Variants in ADAM32 observed in about 807,000 individuals in gnomAD.
ADAM32 encodes the protein ADAM metallopeptidase domain 32.
A neutral mutation model predicts 114.9 loss-of-function variants in ADAM32; 89 were observed. The observed-to-expected ratio is 0.77, with a 90% confidence interval of 0.65 to 0.92. The LOEUF is 0.92. Ranked by LOEUF, ADAM32 falls within the 40% of genes least tolerant of loss-of-function variation. The probability of loss-of-function intolerance (pLI) is 0.00; values close to 1 mark genes in which losing one functional copy is unlikely to be tolerated. For missense variants in ADAM32, 870 were observed against 932.8 expected (o/e 0.93, Z 0.88); for synonymous variants, 285 against 307.5 (o/e 0.93, Z 0.77).
intron 16 of ADAM32, among the ~76,000 whole-genome samples, chr8:39,242,380 G>A (rs995260888): frequency 6.6e-5 from 10 of 152,118 alleles, no homozygotes; most frequent in Admixed American, 1.3e-4. Flanking sequence ...CCAATTTACT[G>A]TATTAGTTTT....
At position 39,145,784 on chromosome 8, in the gene ADAM32, A is replaced by G. The variant is rs1317999821; in HGVS notation, c.201-1346A>G. Among the ~76,000 whole-genome samples the G allele has an allele frequency of 2.0e-5, 3 of 152,050 alleles. No individual in the cohort carries two copies. In the East Asian group the frequency reaches 5.8e-4, roughly 29 times the overall value. ...TCTCTCTCTGTCACCCAGGTTGGAA[A>G]GCAGTGGTGGCATCTCAGCTCACTG... On this transcript the variant is annotated intron_variant, in intron 3 of 24. Coordinates refer to ENST00000379907, the MANE Select transcript of ADAM32 (RefSeq NM_145004.7).
chr8:39,129,125 C>CTT (rs71218309), intron 2 of ADAM32, among the ~76,000 whole-genome samples: 8 of 133,504 alleles, frequency 6.0e-5, no homozygotes, highest in Admixed American at 1.5e-4. Flanking sequence ...TTTTTTTTGT[C>CTT]TTTTTTTTTT....
intron 16 of ADAM32, among the ~76,000 whole-genome samples, chr8:39,240,753 A>G (rs377133435): frequency 6.6e-6 from 1 of 152,164 alleles, no homozygotes; most frequent in East Asian, 1.9e-4. Flanking sequence ...AGCACAGGAA[A>G]GATCTGCCCT....
At chr8:39,110,467 A>G (rs1270972595) in intron 1 of ADAM32, among the ~76,000 whole-genome samples, 1 of 152,188 alleles carries the variant, frequency 6.6e-6, no homozygotes, top group East Asian at 1.9e-4. Flanking sequence ...GGTTGCTTCT[A>G]AGCTTTGGCA....
chr8:39,225,751 A>G (rs942925431), intron 14 of ADAM32, among the ~76,000 whole-genome samples: 1 of 151,318 alleles, frequency 6.6e-6, no homozygotes, highest in Non-Finnish European at 1.5e-5. Flanking sequence ...ATCCAACTCT[A>G]CCCTTCTAAC....
chr8:39,281,122 T>A lies in ADAM32; in HGVS notation c.2280-14T>A, dbSNP rs1442423261. 1.4e-5 allele frequency: 18 copies of A among 1,291,892 alleles called. No homozygotes were observed. Among genetic ancestry groups the A allele is most frequent in the Admixed American group, 3.0e-5 (1 of 33,254 alleles). 80.0% of individuals were successfully genotyped at this position (1,291,892 alleles called of 1,614,324 possible). The stretch of plus-strand genomic sequence containing the variant: ...ATAGATATTTAATATATATTGTTTT[T>A]AATTTATTTTTAGATCCAAATCAGA... On this transcript the variant is annotated splice_polypyrimidine_tract_variant and intron_variant, in intron 22 of 24. Coordinates refer to ENST00000379907, the MANE Select transcript of ADAM32 (RefSeq NM_145004.7).
intron 11 of ADAM32, among the ~76,000 whole-genome samples, chr8:39,200,356 A>G (rs1276131670): frequency 6.6e-6 from 1 of 152,072 alleles, no homozygotes; most frequent in African/African-American, 2.4e-5. Flanking sequence ...TTTGATTTGC[A>G]TTTCTCTGAT....
intron 6 of ADAM32, among the ~76,000 whole-genome samples, chr8:39,152,282 C>T (rs1472857075): frequency 2.0e-5 from 3 of 152,106 alleles, no homozygotes; most frequent in African/African-American, 7.2e-5. Flanking sequence ...TATGTAACTG[C>T]ATGTGTTGGT....
intron 10 of ADAM32, among the ~76,000 whole-genome samples, chr8:39,180,123 G>A (rs1045368282): frequency 2.0e-5 from 3 of 152,196 alleles, no homozygotes; most frequent in African/African-American, 7.2e-5. Context: ...AGGGAGAGGC[G>A]CGAGTGGGAA....
At chr8:39,162,389 T>G (rs1804571310) in intron 7 of ADAM32, among the ~76,000 whole-genome samples, 1 of 152,152 alleles carries the variant, frequency 6.6e-6, no homozygotes, top group Non-Finnish European at 1.5e-5. Flanking sequence ...ATGTGCCACA[T>G]ATTCTTGATC....
intron 10 of ADAM32, among the ~76,000 whole-genome samples, chr8:39,182,362 ATT>A (rs1426498311): frequency 1.3e-5 from 2 of 152,216 alleles, no homozygotes; most frequent in African/African-American, 4.8e-5. Flanking sequence ...GTAGAGAAAG[ATT>A]GTTTTTTCTT....
rs781190970 is a variant in ADAM32 at position 39,151,503 on chromosome 8, C to T, written c.480C>T (p.Ser160=). 5 of 1,592,596 alleles carry T rather than the reference C, an allele frequency of 3.1e-6. No individual in the cohort carries two copies. The highest frequency in any genetic ancestry group is 4.6e-5 in the East Asian group (2 of 43,732). ...ATATTGCAATTTTTATTGACAGAAG[C>T]CTGAAAGAACAACCAATGGATGACA... ...DNDIAIFIDR[S]LKEQPMDDNI... is the part of the protein sequence containing the mutation. Residue 160 remains serine, a synonymous_variant, in exon 6 of 25, where the codon AGC becomes AGT. Coordinates refer to ENST00000379907, the MANE Select transcript of ADAM32 (RefSeq NM_145004.7).
intron 3 of ADAM32, among the ~76,000 whole-genome samples, chr8:39,138,509 T>A (rs917591721): frequency 3.9e-5 from 6 of 152,186 alleles, no homozygotes; most frequent in African/African-American, 1.4e-4. Flanking sequence ...AAACTCATCC[T>A]TTTTTATGGC....
Position 39,180,134 on chromosome 8 carries a change from C to G in ADAM32, c.916-6775C>G, listed in dbSNP as rs188424959. On this transcript the variant is annotated intron_variant, in intron 10 of 24. Coordinates refer to ENST00000379907, the MANE Select transcript of ADAM32 (RefSeq NM_145004.7). Reference sequence around the variant, plus strand: ...GTGGAGGGAGAGGCGCGAGTGGGAACTGGGGCTGCGCGCAGCGCTTGCGGG... The same window carrying G: ...GTGGAGGGAGAGGCGCGAGTGGGAAGTGGGGCTGCGCGCAGCGCTTGCGGG... Among the ~76,000 whole-genome samples the G allele has an allele frequency of 3.0e-4, 46 of 152,340 alleles. No individual in the cohort carries two copies. In the East Asian group the frequency reaches 6.6e-3, roughly 22 times the overall value.
intron 3 of ADAM32, among the ~76,000 whole-genome samples, chr8:39,139,524 A>G (rs546673214): frequency 2.6e-5 from 4 of 152,114 alleles, no homozygotes; most frequent in Admixed American, 6.5e-5. Context: ...GTTCTGTTCC[A>G]TTGGTCTATA....
At chr8:39,247,244 TAA>T (rs1481667509) in intron 17 of ADAM32, among the ~76,000 whole-genome samples, 1 of 152,172 alleles carries the variant, frequency 6.6e-6, no homozygotes, top group Admixed American at 6.5e-5. Flanking sequence ...TATCATATCG[TAA>T]GAGTATGCTT....
rs1803565310 is a variant in ADAM32, at chr8:39,147,307, T to A, written c.276+102T>A. On this transcript the variant is annotated intron_variant, in intron 4 of 24. Coordinates refer to ENST00000379907, the MANE Select transcript of ADAM32 (RefSeq NM_145004.7). ...CTCTCAAGATTCACAGGGGATATAT[T>A]TAAGACATTTGTTGATTAATGATCA... The A allele has an allele frequency of 6.3e-6, 3 of 478,368 alleles. No homozygotes were observed. In the South Asian group the frequency reaches 2.7e-4, roughly 43 times the overall value. 29.6% of individuals were successfully genotyped at this position (478,368 alleles called of 1,614,324 possible).
chr8:39,241,523 A>G (rs1436013411), intron 16 of ADAM32, among the ~76,000 whole-genome samples: 1 of 152,232 alleles, frequency 6.6e-6, no homozygotes, highest in South Asian at 2.1e-4. Context: ...AGAGGTTCCC[A>G]AATCTTGACT....
At chr8:39,170,304 C>A (rs1289946864) in intron 10 of ADAM32, among the ~76,000 whole-genome samples, 1 of 151,860 alleles carries the variant, frequency 6.6e-6, no homozygotes. Flanking sequence ...TAGATTTTTG[C>A]TTACAGACAT....
Sources: gnomAD v4.1 joint callset for allele counts (sites outside exome capture counted in the v4.1 genomes callset) on GRCh38, gnomAD v4.1.1 for gene constraint, MANE v1.5 for transcripts, NCBI Gene and HGNC (gene_info 2026-07-23, HGNC 2026-07-21) for gene names.